The following GABRB3 variants were observed in gnomAD, a reference collection of about 807,000 sequenced individuals.
GABRB3 encodes gamma-aminobutyric acid receptor subunit beta-3.
In GABRB3, 14 loss-of-function variants were observed where a neutral mutation model predicts 52.1. The observed-to-expected ratio is 0.27, with a 90% confidence interval of 0.18 to 0.42. The LOEUF (loss-of-function observed/expected upper bound fraction) is 0.42, where lower values mean the gene tolerates loss of function less well. Among genes scored for constraint, GABRB3 ranks in the 10% least tolerant of loss-of-function variants. GABRB3 has a pLI of 1.00. For synonymous variants in GABRB3, 260 were observed against 232.3 expected, an observed-to-expected ratio of 1.12 and a Z score of -1.08; for missense variants, 307 against 609.1, an observed-to-expected ratio of 0.50 and a Z score of 5.22.
intron 8 of GABRB3, among the ~76,000 whole-genome samples, chr15:26,554,205 A>ATATATATATATATATTTATT (rs1889664127): frequency 1.0e-5 from 1 of 96,564 alleles, no homozygotes; most frequent in African/African-American, 3.9e-5. Context: ...ATATATATAT[A>ATATATATATATATATTTATT]TATAGTAGAA....
At chr15:26,651,269 C>A (rs958384693) in intron 3 of GABRB3, among the ~76,000 whole-genome samples, 1 of 152,218 alleles carries the variant, frequency 6.6e-6, no homozygotes, top group Non-Finnish European at 1.5e-5. Context: ...GATCCCTCAC[C>A]CGCTTGTTCA....
At chr15:26,629,050 G>A (rs1339196004) in intron 3 of GABRB3, 8 of 1,536,040 alleles carry the variant, frequency 5.2e-6, no homozygotes, top group South Asian at 1.2e-5. Flanking sequence ...AGGTCCCAAA[G>A]ACTCCGAGAG....
intron 3 of GABRB3, among the ~76,000 whole-genome samples, chr15:26,647,445 T>G (rs1439495439): frequency 6.6e-6 from 1 of 152,122 alleles, no homozygotes; most frequent in Non-Finnish European, 1.5e-5. Flanking sequence ...TCAGGAAGAT[T>G]TAGTACTAAG....
intron 3 of GABRB3, among the ~76,000 whole-genome samples, chr15:26,702,368 T>G (rs565860469): frequency 2.0e-5 from 3 of 152,156 alleles, no homozygotes; most frequent in Non-Finnish European, 4.4e-5. Flanking sequence ...ACCCTTGAGA[T>G]TCAACAATAA....
At position 26,621,461 on chromosome 15, in the gene GABRB3, T is replaced by C; in HGVS notation, c.314A>G (p.Asn105Ser). Residue 105 changes from asparagine to serine, a missense_variant, in exon 4 of 9, where the codon AAC becomes AGC. Physicochemically the swap from Asn to Ser is conservative, Grantham distance 46 (BLOSUM62 1). Coordinates refer to ENST00000311550, the MANE Select transcript of GABRB3 (RefSeq NM_000814.6). This position sits in a 1 kb window ranked among gnomAD's most constrained non-coding sequence, Gnocchi z 4.1. ...KRLAYSGIPL[N>S]LTLDNRVADQ... ...AGCCACTCGATTGTCAAGCGTGAGG[T>C]TGAGAGGGATCCCAGAATAGGCGAG... The C allele has an allele frequency of 6.2e-7, 1 of 1,614,090 alleles. No individual in the cohort carries two copies. The highest frequency in any genetic ancestry group is 8.5e-7 in the Non-Finnish European group (1 of 1,179,992).
chr15:26,707,470 T>A (rs767177807), intron 3 of GABRB3, among the ~76,000 whole-genome samples: 1 of 152,080 alleles, frequency 6.6e-6, no homozygotes, highest in Non-Finnish European at 1.5e-5. Context: ...TCAGAGTGAA[T>A]GTTTAATTAG....
At chr15:26,628,388 G>A (rs1892788784) in intron 3 of GABRB3, among the ~76,000 whole-genome samples, 1 of 152,220 alleles carries the variant, frequency 6.6e-6, no homozygotes, top group African/African-American at 2.4e-5. Flanking sequence ...CTCAGGGGCT[G>A]CCCATGTGGC....
rs1009902196 is a variant in GABRB3, at chr15:26,545,678, A to G, written c.*2115T>C. ...ATGTATTTTTTTTCTTTAACATGAT[A>G]ATAATGATAAGGCCACTTAACAAGG... On this transcript the variant is annotated 3_prime_UTR_variant, in exon 9 of 9. Transcript: ENST00000311550. The G allele has an allele frequency of 6.6e-6, 1 of 152,470 alleles. No individual in the cohort carries two copies. The highest frequency in any genetic ancestry group is 2.4e-5 in the African/African-American group (1 of 41,420). The allele number at this position is 152,470 out of a possible 1,614,324, so 9.4% of individuals were successfully genotyped here.
intron 3 of GABRB3, among the ~76,000 whole-genome samples, chr15:26,637,633 T>C (rs1293370969): frequency 6.6e-6 from 1 of 152,208 alleles, no homozygotes; most frequent in African/African-American, 2.4e-5. Flanking sequence ...CCAGATTGGT[T>C]GATAGCCTTG....
intron 3 of GABRB3, among the ~76,000 whole-genome samples, chr15:26,657,462 G>A (rs776968945): frequency 9.9e-5 from 15 of 152,250 alleles, no homozygotes; most frequent in East Asian, 5.8e-4. Flanking sequence ...CTAAATCTAC[G>A]GATGGATGTT....
At chr15:26,690,490 G>T (rs1431616372) in intron 3 of GABRB3, among the ~76,000 whole-genome samples, 1 of 152,058 alleles carries the variant, frequency 6.6e-6, no homozygotes. Flanking sequence ...CTACCAATAA[G>T]ATTAATCCTG....
At chr15:26,726,072 C>T (rs191817675) in intron 3 of GABRB3, among the ~76,000 whole-genome samples, 199 of 152,136 alleles carry the variant, frequency 1.3e-3, no homozygotes, top group African/African-American at 4.2e-3. Flanking sequence ...TGGGCATGCG[C>T]ACAAAAGACA....
intron 8 of GABRB3, among the ~76,000 whole-genome samples, chr15:26,549,040 T>C (rs1424042194): frequency 6.6e-6 from 1 of 152,184 alleles, no homozygotes; most frequent in Non-Finnish European, 1.5e-5. Context: ...CTCTCTTCCC[T>C]TTCTTTGCCT....
At chr15:26,568,682 T>TTG in intron 6 of GABRB3, among the ~76,000 whole-genome samples, 1 of 98,988 alleles carries the variant, frequency 1.0e-5, no homozygotes, top group Non-Finnish European at 2.3e-5. Flanking sequence ...TTTTTTTTTT[T>TTG]GGTTTTGTAT....
At chr15:26,726,404 C>G (rs1297490621) in intron 3 of GABRB3, among the ~76,000 whole-genome samples, 1 of 152,142 alleles carries the variant, frequency 6.6e-6, no homozygotes, top group Admixed American at 6.5e-5. Flanking sequence ...AACTAATTCA[C>G]AAGTCTTATT....
At position 26,738,714 on chromosome 15, in the gene GABRB3, C is replaced by T. The variant is rs531009334; in HGVS notation, c.240+33688G>A. ...TACCTTGGAATTCCGTCCCAGACAA[C>T]GTGTAACTTTGCTGCAATCAGGAGA... On this transcript the variant is annotated intron_variant, in intron 3 of 8. Coordinates refer to ENST00000311550, the MANE Select transcript of GABRB3 (RefSeq NM_000814.6). Among the ~76,000 whole-genome samples, 7 of 152,238 alleles carry T rather than the reference C, an allele frequency of 4.6e-5. No homozygotes were observed. In the South Asian group the frequency reaches 8.3e-4, roughly 18 times the overall value.
intron 3 of GABRB3, among the ~76,000 whole-genome samples, chr15:26,726,853 T>G (rs890740450): frequency 6.6e-6 from 1 of 152,178 alleles, no homozygotes; most frequent in Non-Finnish European, 1.5e-5. Context: ...ATTGTGCAGG[T>G]ATTTTATTTC....
chr15:26,629,179 G>A lies in GABRB3; in HGVS notation c.241-7645C>T, dbSNP rs1468956247. 3.4e-6 allele frequency: 5 copies of A among 1,480,466 alleles called. No individual in the cohort carries two copies. The East Asian group carries it at 1.3e-4, about 37-fold the overall frequency. The allele number at this position is 1,480,466 out of a possible 1,614,324, so 91.7% of individuals were successfully genotyped here. On this transcript the variant is annotated intron_variant, in intron 3 of 8. Coordinates refer to ENST00000311550, the MANE Select transcript of GABRB3 (RefSeq NM_000814.6). ...GAGTGTGGGGAGAAGCAGCTCCCGG[G>A]AGACGGAGGGCTTTGCGAAGCGGCG...
chr15:26,618,587 C>T (rs2140531007), intron 4 of GABRB3, among the ~76,000 whole-genome samples: 1 of 152,296 alleles, frequency 6.6e-6, no homozygotes, highest in Non-Finnish European at 1.5e-5. Context: ...TAGGCAATAC[C>T]ATTTAGGACA....
Sources: gnomAD v4.1 joint callset for allele counts (sites outside exome capture counted in the v4.1 genomes callset) on GRCh38, gnomAD v4.1.1 for gene constraint, Gnocchi (gnomAD v3.1) non-coding constraint, MANE v1.5 for transcripts, NCBI Gene and HGNC (gene_info 2026-07-23, HGNC 2026-07-21) for gene names.